KLHL40: variants seen among roughly 807,000 people sequenced by gnomAD.
KLHL40 encodes the protein kelch like family member 40, also known as kelch-like protein 40.
In KLHL40, 44 loss-of-function variants were observed where a neutral mutation model predicts 49.7. The observed-to-expected ratio is 0.89, with a 90% CI of 0.70 to 1.14. KLHL40 has a LOEUF of 1.14. Ranked by LOEUF, KLHL40 falls within the 50% of genes most tolerant of loss-of-function variation. The pLI is 0.00. For missense variants in KLHL40, 892 were observed against 850.3 expected (o/e 1.05, Z -0.61); for synonymous variants, 409 against 365.2 (o/e 1.12, Z -1.37).
In KLHL40 at chr3:42,688,946, GCTCA is replaced by G. The variant is rs1697320230; in HGVS notation, c.1503_1506del (p.Phe503GlyfsTer20). On this transcript the variant is annotated frameshift_variant, in exon 4 of 6. Coordinates refer to ENST00000287777, the MANE Select transcript of KLHL40 (RefSeq NM_152393.4). LOFTEE classifies it high-confidence loss of function. This position sits in a 1 kb window ranked among gnomAD's most constrained non-coding sequence, Gnocchi z 4.2. ...GAGCTGGCACCCATGCAGACCGCCC[GCTCA>G]CTCTTTGGGGCCACTGTCCATGATG... The G allele has an allele frequency of 6.2e-7, 1 of 1,614,138 alleles. No homozygotes were observed.
Position 42,685,933 on chromosome 3 carries a change from C to G in KLHL40, c.315C>G (p.Phe105Leu), listed in dbSNP as rs907315036. The change falls in exon 1 of 6, where the codon TTC (phenylalanine) becomes TTG (leucine). Residue 105 changes from phenylalanine (F) to leucine (L), a missense_variant. Transcript: ENST00000287777. ...ALDEASVQDL[F>L]AAAHRFQIPS... ...ATGAGGCGAGCGTGCAGGATTTGTT[C>G]GCCGCGGCACACCGCTTCCAGATCC... 4 of 1,611,574 alleles carry G rather than the reference C, an allele frequency of 2.5e-6. No individual in the cohort carries two copies. Among genetic ancestry groups the G allele is most frequent in the Non-Finnish European group, 3.4e-6 (4 of 1,180,004 alleles).
chr3:42,692,470 TGTTGA>T lies in KLHL40; in HGVS notation c.*478_*482del. The T allele has an allele frequency of 2.0e-6, 1 of 495,296 alleles. No homozygotes were observed. Among genetic ancestry groups the T allele is most frequent in the Admixed American group, 3.3e-5 (1 of 30,072 alleles). 30.7% of individuals were successfully genotyped at this position (495,296 alleles called of 1,614,324 possible). On this transcript the variant is annotated 3_prime_UTR_variant, in exon 6 of 6. Transcript: ENST00000287777. ...TGCTCCAAGAGTCAGTGAGCAGGTG[TGTTGA>T]AGACTTGGGGCTTCAGTGTTCTGCT...
intron 5 of KLHL40, 146 bp downstream of exon 5, chr3:42,691,151 C>G: frequency 1.1e-5 from 9 of 787,898 alleles, no homozygotes; most frequent in Non-Finnish European, 1.7e-5. Context: ...GAGGAATAGC[C>G]AACATACCCT....
chr3:42,687,158 C>G (rs568261887), intron 1 of KLHL40, among the ~76,000 whole-genome samples: 58 of 152,296 alleles, frequency 3.8e-4, no homozygotes, highest in African/African-American at 1.4e-3. Context: ...AGGAACAATC[C>G]TGTATGGTCC....
In KLHL40 at chr3:42,688,856, C is replaced by T. The variant is rs763588775; in HGVS notation, c.1422-13C>T. ...CTGCTTCTCTCCACCCATCCCCACC[C>T]TCCACCCCACAGGAAGTGCCTGAAC... On this transcript the variant is annotated splice_polypyrimidine_tract_variant and intron_variant, in intron 3 of 5. Transcript: ENST00000287777. The surrounding 1 kb of genome is among the most constrained non-coding windows in gnomAD (Gnocchi z 4.2). The T allele has an allele frequency of 5.0e-6, 8 of 1,612,006 alleles. No homozygotes were observed. In the South Asian group the frequency reaches 8.8e-5, roughly 18 times the overall value.
rs373515825 is a variant in KLHL40 at position 42,689,500 on chromosome 3, A to G, written c.1607+446A>G. On this transcript the variant is annotated intron_variant, in intron 4 of 5. Transcript: ENST00000287777. ...AGTTTGGAGAAAAAACTCAAGGCCT[A>G]TAGGAGGGAAGGTGTTGCTCCAGCT... Among the ~76,000 whole-genome samples the G allele has an allele frequency of 2.2e-4, 34 of 152,166 alleles. No individual in the cohort carries two copies. In the Middle Eastern group the frequency reaches 0.01, roughly 46 times the overall value.
chr3:42,689,828 G>C lies in KLHL40; in HGVS notation c.1607+774G>C, dbSNP rs79466511. On this transcript the variant is annotated intron_variant, in intron 4 of 5. Coordinates refer to ENST00000287777, the MANE Select transcript of KLHL40 (RefSeq NM_152393.4). ...CCTTAAAGTGCAGATTCTGATTCTC[G>C]GTATGCGGAGGGCTGAAAGCCTGTA... Among the ~76,000 whole-genome samples the C allele has an allele frequency of 7.0e-3, 1,070 of 152,230 alleles. 13 individuals carry two copies. Among genetic ancestry groups the C allele is most frequent in the African/African-American group, 0.025 (1,024 of 41,510 alleles).
intron 5 of KLHL40, 79 bp downstream of exon 5, chr3:42,691,084 C>A: frequency 1.4e-6 from 2 of 1,442,358 alleles, no homozygotes; most frequent in Non-Finnish European, 1.9e-6. Flanking sequence ...GGTACCAAGG[C>A]ACTGGGCAAG....
In KLHL40 at chr3:42,689,003, C is replaced by A. The variant is rs1459373118; in HGVS notation, c.1556C>A (p.Thr519Asn). The A allele has an allele frequency of 6.2e-7, 1 of 1,614,064 alleles. No individual in the cohort carries two copies. The highest frequency in any genetic ancestry group is 8.5e-7 in the Non-Finnish European group (1 of 1,180,024). ...DGRIIVAAGV[T>N]DTGLTSSAEV... ...CGCATTATCGTGGCAGCTGGGGTCA[C>A]CGACACAGGGCTGACCAGTTCTGCC... Residue 519 changes from threonine to asparagine, a missense_variant, in exon 4 of 6, where the codon ACC becomes AAC. Coordinates refer to ENST00000287777, the MANE Select transcript of KLHL40 (RefSeq NM_152393.4).
chr3:42,687,936 G>T (rs547488782), intron 1 of KLHL40, among the ~76,000 whole-genome samples: 65 of 152,242 alleles, frequency 4.3e-4, no homozygotes, highest in Admixed American at 1.2e-3. Context: ...AATGGTGGTT[G>T]CCAGGAGCCT....
chr3:42,691,760 T>C (rs1474535103), intron 5 of KLHL40, 122 bp from the exon 6 acceptor site: 1 of 667,832 alleles, frequency 1.5e-6, no homozygotes, highest in South Asian at 1.7e-5. Context: ...CCTGGGGATT[T>C]TCAGGAGCAG....
chr3:42,690,428 A>C lies in KLHL40; in HGVS notation c.1608-431A>C, dbSNP rs140903683. ...GAGCCAGGGTAGCGAAGATACATTG[A>C]GAACAACTGGGCTGTGAAGGGAGAA... is the stretch of plus-strand genomic sequence containing the variant. On this transcript the variant is annotated intron_variant, in intron 4 of 5. Coordinates refer to ENST00000287777, the MANE Select transcript of KLHL40 (RefSeq NM_152393.4). Among the ~76,000 whole-genome samples, 565 of 152,294 alleles carry C rather than the reference A, an allele frequency of 3.7e-3. 2 individuals carry two copies. The highest frequency in any genetic ancestry group is 0.013 in the African/African-American group (539 of 41,554).
chr3:42,689,742 C>T lies in KLHL40; in HGVS notation c.1607+688C>T, dbSNP rs78982477. Reference sequence around the variant, plus strand: ...CGGAGATGGGGTTGAGGGGATGCACCGGACAAAGACAGGCCAGGGCTTCTT... The same window carrying T: ...CGGAGATGGGGTTGAGGGGATGCACTGGACAAAGACAGGCCAGGGCTTCTT... On this transcript the variant is annotated intron_variant, in intron 4 of 5. Transcript: ENST00000287777. Among the ~76,000 whole-genome samples the T allele has an allele frequency of 3.2e-4, 49 of 152,072 alleles. No individual in the cohort carries two copies. In the East Asian group the frequency reaches 7.0e-3, roughly 22 times the overall value.
Position 42,691,014 on chromosome 3 carries a change from C to T in KLHL40, c.1754+9C>T, listed in dbSNP as rs1333561772. The T allele has an allele frequency of 2.5e-6, 4 of 1,598,614 alleles. No homozygotes were observed. The highest frequency in any genetic ancestry group is 2.3e-5 in the South Asian group (2 of 88,834). The stretch of plus-strand genomic sequence containing the variant: ...CTCAATGACATCTGGAGGTGAGTCC[C>T]ACCCTGGGGAGGCAAGGGGGCATCA... On this transcript the variant is annotated intron_variant, in intron 5 of 5. Coordinates refer to ENST00000287777, the MANE Select transcript of KLHL40 (RefSeq NM_152393.4).
chr3:42,688,529 A>T lies in KLHL40; in HGVS notation c.1314-81A>T. ...CGCATCTCGAATATGTGTTAGGTGGATGGGCGGATGGGTGCAGAGACAGGG... is the reference window on the plus strand; with the variant it reads ...CGCATCTCGAATATGTGTTAGGTGGTTGGGCGGATGGGTGCAGAGACAGGG... On this transcript the variant is annotated intron_variant, in intron 2 of 5. Coordinates refer to ENST00000287777, the MANE Select transcript of KLHL40 (RefSeq NM_152393.4). This position sits in a 1 kb window ranked among gnomAD's most constrained non-coding sequence, Gnocchi z 4.2. The T allele has an allele frequency of 9.1e-7, 1 of 1,104,422 alleles. No homozygotes were observed. The highest frequency in any genetic ancestry group is 2.5e-5 in the East Asian group (1 of 40,286). 68.4% of individuals were successfully genotyped at this position (1,104,422 alleles called of 1,614,324 possible). A position where few individuals can be genotyped will look rare whatever the true frequency, so the allele number is the denominator to read the frequency against.
chr3:42,686,135 T>C lies in KLHL40; in HGVS notation c.517T>C (p.Ser173Pro), dbSNP rs771434621. 1.3e-6 allele frequency: 2 copies of C among 1,597,948 alleles called. No individual in the cohort carries two copies. Among genetic ancestry groups the C allele is most frequent in the Admixed American group, 3.3e-5 (2 of 59,880 alleles). The stretch of plus-strand genomic sequence containing the variant: ...GCGCGACGCTGACTTCCTCGGACTC[T>C]CGGCCGACGAGCTCATCGCCATCAT... The part of the protein sequence containing the change: ...VARDADFLGL[S>P]ADELIAIISS... Residue 173 changes from serine (S) to proline (P), a missense_variant, in exon 1 of 6, where the codon TCG (serine) becomes CCG (proline). Transcript: ENST00000287777.
In KLHL40 at chr3:42,686,481, G is replaced by T. The variant is rs765387607; in HGVS notation, c.863G>T (p.Ser288Ile). 1 of 1,614,106 alleles carries T rather than the reference G, an allele frequency of 6.2e-7. No homozygotes were observed. Among genetic ancestry groups the T allele is most frequent in the Admixed American group, 1.7e-5 (1 of 60,026 alleles). The change falls in exon 1 of 6, where the codon AGC (serine) becomes ATC (isoleucine). Residue 288 changes from serine to isoleucine, a missense_variant. By Grantham distance (142) the Ser-to-Ile change is moderately radical (BLOSUM62 -2). Transcript: ENST00000287777. ...AGAKEADKGT[S>I]KAKAEEDEEA... is the part of the protein sequence containing the mutation. Reference sequence around the variant, plus strand: ...GCCAAGGAGGCTGATAAGGGCACAAGCAAAGCCAAAGCAGAGGAGGATGAG... The same window carrying T: ...GCCAAGGAGGCTGATAAGGGCACAATCAAAGCCAAAGCAGAGGAGGATGAG...
rs148721922 is a variant in KLHL40, at chr3:42,685,823, G to A, written c.205G>A (p.Ala69Thr). ...GCGCTTTCTAGCCGAGCCGGAGCGC[G>A]CGGGCGAGCTGCACCTGGAGGAGGT... is the stretch of plus-strand genomic sequence containing the variant. Reference protein sequence around the residue: ...RARFLAEPERAGELHLEEVSP... With the variant: ...RARFLAEPERTGELHLEEVSP... The change falls in exon 1 of 6, where the codon GCG becomes ACG. Residue 69 changes from alanine to threonine, a missense_variant. Transcript: ENST00000287777. 1 of 1,612,966 alleles carries A rather than the reference G, an allele frequency of 6.2e-7. No homozygotes were observed. The highest frequency in any genetic ancestry group is 1.1e-5 in the South Asian group (1 of 91,066).
chr3:42,686,869 G>A, intron 1 of KLHL40, 99 bp downstream of exon 1: 2 of 1,046,958 alleles, frequency 1.9e-6, no homozygotes, highest in East Asian at 2.6e-5. Flanking sequence ...ACAAGTGAAT[G>A]CCACTGGGTC....
Sources: gnomAD v4.1 joint callset for allele counts (sites outside exome capture counted in the v4.1 genomes callset) on GRCh38, gnomAD v4.1.1 for gene constraint, Gnocchi (gnomAD v3.1) non-coding constraint, MANE v1.5 for transcripts, NCBI Gene and HGNC (gene_info 2026-07-23, HGNC 2026-07-21) for gene names.